Variants in GNAI1 observed in about 807,000 individuals in gnomAD.
GNAI1 encodes guanine nucleotide-binding protein G(i) subunit alpha-1.
In GNAI1, 11 loss-of-function variants were observed where a neutral mutation model predicts 38.9. The ratio of observed to expected loss-of-function variants is 0.28; its 90% CI spans 0.18 to 0.47. The LOEUF is 0.47. Among genes scored for constraint, GNAI1 ranks in the 20% least tolerant of loss-of-function variants. GNAI1 has a pLI of 0.99. For missense variants in GNAI1, 317 were observed against 436.9 expected (o/e 0.73, Z 2.45); for synonymous variants, 166 against 145.1 (o/e 1.14, Z -1.04).
chr7:80,135,741 G>C (rs1421356637), intron 1 of GNAI1: 1 of 971,118 alleles, frequency 1.0e-6, no homozygotes, highest in African/African-American at 1.9e-5. Context: ...CATGCCCAGA[G>C]TGCCACGTTT....
intron 4 of GNAI1, among the ~76,000 whole-genome samples, chr7:80,199,868 A>G (rs1330369900): frequency 6.6e-6 from 1 of 152,102 alleles, no homozygotes; most frequent in African/African-American, 2.4e-5. Context: ...ACTAAGTAAA[A>G]TAGCTCTGTA....
At chr7:80,192,910 G>T (rs1788507411) in intron 3 of GNAI1, among the ~76,000 whole-genome samples, 1 of 151,952 alleles carries the variant, frequency 6.6e-6, no homozygotes, top group Admixed American at 6.6e-5. Flanking sequence ...TGTTGGCCAG[G>T]CTGGTCTCGA....
chr7:80,160,083 G>A (rs1787894821), intron 1 of GNAI1, among the ~76,000 whole-genome samples: 1 of 152,122 alleles, frequency 6.6e-6, no homozygotes, highest in Non-Finnish European at 1.5e-5. Context: ...CTCTGTTGCG[G>A]ATCAATTTCC....
intron 3 of GNAI1, among the ~76,000 whole-genome samples, chr7:80,193,891 C>A (rs1397075920): frequency 6.6e-6 from 1 of 152,152 alleles, no homozygotes; most frequent in Non-Finnish European, 1.5e-5. Context: ...GCTTGAGAAG[C>A]ACTTATTTAG....
intron 1 of GNAI1, among the ~76,000 whole-genome samples, chr7:80,145,271 T>A (rs1244234654): frequency 1.3e-5 from 2 of 152,216 alleles, no homozygotes; most frequent in African/African-American, 4.8e-5. Context: ...TAAATTACTT[T>A]CTGCTTTAAA....
At chr7:80,213,978 C>T (rs1024817068) in intron 7 of GNAI1, among the ~76,000 whole-genome samples, 9 of 152,210 alleles carry the variant, frequency 5.9e-5, no homozygotes, top group Non-Finnish European at 1.3e-4. Context: ...GATGTCAGTG[C>T]TCAGGTATCC....
intron 1 of GNAI1, among the ~76,000 whole-genome samples, chr7:80,143,904 A>ATGTGTGTG (rs796509056): frequency 3.9e-5 from 3 of 76,266 alleles, no homozygotes; most frequent in African/African-American, 1.2e-4. Flanking sequence ...CTTAGCAAGG[A>ATGTGTGTG]TGTGTGTGTG....
intron 1 of GNAI1, among the ~76,000 whole-genome samples, chr7:80,147,480 C>T (rs1015531448): frequency 6.6e-6 from 1 of 151,958 alleles, no homozygotes; most frequent in Admixed American, 6.6e-5. Flanking sequence ...CATTCTGGCC[C>T]CCTGATGCGA....
At chr7:80,214,896 CA>C (rs778645206) in intron 7 of GNAI1, among the ~76,000 whole-genome samples, 1 of 152,108 alleles carries the variant, frequency 6.6e-6, no homozygotes, top group Non-Finnish European at 1.5e-5. Context: ...ATTTTGTGGT[CA>C]GCCCTAATTT....
At chr7:80,146,254 T>C (rs568959006) in intron 1 of GNAI1, among the ~76,000 whole-genome samples, 1 of 152,148 alleles carries the variant, frequency 6.6e-6, no homozygotes, top group Admixed American at 6.6e-5. Flanking sequence ...TGCTCCTAAC[T>C]GAATGCCCTG....
chr7:80,197,692 G>A (rs768455730), intron 3 of GNAI1, among the ~76,000 whole-genome samples: 48 of 152,028 alleles, frequency 3.2e-4, no homozygotes, highest in Non-Finnish European at 2.7e-4. Context: ...TATCATGCAC[G>A]TGTCGCTTGC....
At chr7:80,166,379 A>C (rs1418829263) in intron 1 of GNAI1, among the ~76,000 whole-genome samples, 1 of 152,156 alleles carries the variant, frequency 6.6e-6, no homozygotes, top group Non-Finnish European at 1.5e-5. Flanking sequence ...CAGAATTTCG[A>C]AATTGTTTAA....
intron 1 of GNAI1, among the ~76,000 whole-genome samples, chr7:80,141,877 C>G (rs944719410): frequency 6.6e-6 from 1 of 152,212 alleles, no homozygotes; most frequent in African/African-American, 2.4e-5. Context: ...TTCAGCTAAG[C>G]TTTCTGCCTG....
intron 4 of GNAI1, among the ~76,000 whole-genome samples, chr7:80,200,524 T>C (rs1236320503): frequency 6.6e-6 from 1 of 152,022 alleles, no homozygotes; most frequent in East Asian, 1.9e-4. Flanking sequence ...ACACAGCTGT[T>C]GGCTGTTAGG....
intron 3 of GNAI1, among the ~76,000 whole-genome samples, chr7:80,196,837 G>A (rs1224272376): frequency 6.6e-6 from 1 of 151,900 alleles, no homozygotes; most frequent in African/African-American, 2.4e-5. Context: ...ACAACTTGAT[G>A]TTATGAGATA....
At chr7:80,207,231 T>C (rs917712815) in intron 5 of GNAI1, among the ~76,000 whole-genome samples, 1 of 152,052 alleles carries the variant, frequency 6.6e-6, no homozygotes, top group Non-Finnish European at 1.5e-5. Context: ...GAGGCAAATA[T>C]TAAATCGATT....
intron 1 of GNAI1, among the ~76,000 whole-genome samples, chr7:80,138,090 C>T (rs1787456636): frequency 6.6e-6 from 1 of 152,156 alleles, no homozygotes; most frequent in Admixed American, 6.5e-5. Context: ...CAGCCATTTA[C>T]ATTAGATCGT....
At chr7:80,149,040 C>G (rs1787679235) in intron 1 of GNAI1, among the ~76,000 whole-genome samples, 1 of 152,138 alleles carries the variant, frequency 6.6e-6, no homozygotes, top group Admixed American at 6.5e-5. Context: ...AATGCTGCTT[C>G]TCTCTATATA....
At chr7:80,162,812 T>G (rs2116133231) in intron 1 of GNAI1, among the ~76,000 whole-genome samples, 1 of 152,256 alleles carries the variant, frequency 6.6e-6, no homozygotes. Flanking sequence ...TTTTGAGACA[T>G]CCTGTGGGAA....
Sources: gnomAD v4.1 joint callset for allele counts (sites outside exome capture counted in the v4.1 genomes callset) on GRCh38, gnomAD v4.1.1 for gene constraint, MANE v1.5 for transcripts, NCBI Gene and HGNC (gene_info 2026-07-23, HGNC 2026-07-21) for gene names.